The following AFF3 variants were observed in gnomAD, a reference collection of about 807,000 sequenced individuals.
AFF3 encodes the protein AF4/FMR2 family member 3.
In AFF3, 32 loss-of-function variants were observed where a neutral mutation model predicts 129.7. That is an observed-to-expected ratio of 0.25 (90% CI 0.19 to 0.33). The LOEUF is 0.33. Ranked by LOEUF, AFF3 falls within the 10% of genes least tolerant of loss-of-function variation. The probability of loss-of-function intolerance (pLI) is 1.00; values close to 1 mark genes in which losing one functional copy is unlikely to be tolerated. For synonymous variants in AFF3, 644 were observed against 635.4 expected (o/e 1.01, Z -0.20); for missense variants, 1,373 against 1,592.0 (o/e 0.86, Z 2.34).
intron 4 of AFF3, among the ~76,000 whole-genome samples, chr2:100,095,519 C>G (rs532360673): frequency 5.9e-5 from 9 of 152,326 alleles, no homozygotes; most frequent in African/African-American, 2.2e-4. Context: ...TCACGTGTCT[C>G]AAGACTGCAA....
chr2:100,063,619 G>A (rs555271711), intron 4 of AFF3, among the ~76,000 whole-genome samples: 1 of 152,116 alleles, frequency 6.6e-6, no homozygotes, highest in South Asian at 2.1e-4. Context: ...AAAATATAAA[G>A]AAATGTTAAC....
chr2:99,898,009 T>C (rs1421321149), intron 7 of AFF3, among the ~76,000 whole-genome samples: 3 of 152,196 alleles, frequency 2.0e-5, no homozygotes, highest in East Asian at 3.8e-4. Context: ...GGAGACCTCA[T>C]CTGATAAGCT....
At chr2:99,728,063 T>C (rs967819885) in intron 10 of AFF3, among the ~76,000 whole-genome samples, 60 of 152,204 alleles carry the variant, frequency 3.9e-4, no homozygotes, top group African/African-American at 1.4e-3. Flanking sequence ...ACTGAGGAAT[T>C]AACGAGTTGT....
At chr2:99,887,850 T>C (rs957183057) in intron 7 of AFF3, among the ~76,000 whole-genome samples, 3 of 152,118 alleles carry the variant, frequency 2.0e-5, no homozygotes, top group African/African-American at 7.2e-5. Context: ...CAAACAAGGC[T>C]TAGTAAGGTA....
intron 10 of AFF3, among the ~76,000 whole-genome samples, chr2:99,728,998 TATA>T (rs200916828): frequency 0.15 from 23,238 of 152,078 alleles, 2,085 homozygotes; most frequent in South Asian, 0.22. Flanking sequence ...AATAGAGAGT[TATA>T]ACACCTGCAT....
intron 4 of AFF3, among the ~76,000 whole-genome samples, chr2:100,047,605 G>C (rs1197780589): frequency 6.6e-6 from 1 of 152,084 alleles, no homozygotes. Context: ...TTTTAAACAA[G>C]ATACAGTTGG....
chr2:99,802,800 T>A (rs184776394), intron 8 of AFF3, among the ~76,000 whole-genome samples: 2 of 151,478 alleles, frequency 1.3e-5, no homozygotes, highest in Admixed American at 6.6e-5. Context: ...TTTGTGTACA[T>A]GAATTTTGTA....
chr2:99,592,113 TA>T (rs1483337839), intron 15 of AFF3, among the ~76,000 whole-genome samples: 1 of 152,168 alleles, frequency 6.6e-6, no homozygotes, highest in African/African-American at 2.4e-5. Flanking sequence ...CAGGAGGGGT[TA>T]AAAACCCTCA....
chr2:100,077,952 T>C (rs1213694020), intron 4 of AFF3, among the ~76,000 whole-genome samples: 3 of 152,232 alleles, frequency 2.0e-5, no homozygotes, highest in Admixed American at 6.5e-5. Context: ...GGCTTTCTAA[T>C]CCAGTTCTCT....
At chr2:99,670,970 CTGCCTTAGAGAACATG>C (rs1428058399) in intron 12 of AFF3, among the ~76,000 whole-genome samples, 1 of 152,110 alleles carries the variant, frequency 6.6e-6, no homozygotes, top group Non-Finnish European at 1.5e-5. Context: ...AAAGCTCTTA[CTGCCTTAGAGAACATG>C]TATAGTACGT....
intron 2 of AFF3, among the ~76,000 whole-genome samples, chr2:100,117,461 G>T (rs1210062741): frequency 2.0e-5 from 3 of 152,068 alleles, no homozygotes; most frequent in Non-Finnish European, 2.9e-5. Flanking sequence ...ACGATTTTTT[G>T]ATTCTAGAAT....
chr2:99,868,329 C>G (rs1558930421), intron 7 of AFF3, among the ~76,000 whole-genome samples: 2 of 151,960 alleles, frequency 1.3e-5, no homozygotes, highest in Non-Finnish European at 2.9e-5. Context: ...CTAATCATGT[C>G]TTCATAGTTC....
intron 7 of AFF3, among the ~76,000 whole-genome samples, chr2:99,896,161 C>T (rs1017553258): frequency 6.7e-6 from 1 of 148,424 alleles, no homozygotes; most frequent in Non-Finnish European, 1.5e-5. Flanking sequence ...CTCAAGAAAA[C>T]TCTGTCCACC....
At chr2:99,914,929 TTAAAA>T (rs529986833) in intron 7 of AFF3, among the ~76,000 whole-genome samples, 116 of 151,812 alleles carry the variant, frequency 7.6e-4, no homozygotes, top group African/African-American at 2.3e-3. Context: ...AATTAATTAA[TTAAAA>T]TAAAATAAAA....
chr2:99,631,065 G>C (rs767606932), intron 13 of AFF3: 2 of 423,246 alleles, frequency 4.7e-6, no homozygotes, highest in South Asian at 3.5e-5. Context: ...AGGCAGAGCA[G>C]AACACGGAGT....
chr2:99,825,930 T>C (rs1688047038), intron 8 of AFF3, among the ~76,000 whole-genome samples: 1 of 152,230 alleles, frequency 6.6e-6, no homozygotes, highest in Non-Finnish European at 1.5e-5. Flanking sequence ...AACCATTTGC[T>C]TCAGGACTAG....
At chr2:99,640,360 G>A (rs968241365) in intron 13 of AFF3, among the ~76,000 whole-genome samples, 2 of 151,842 alleles carry the variant, frequency 1.3e-5, no homozygotes, top group Non-Finnish European at 2.9e-5. Context: ...TTGGTGGTGC[G>A]ATGAGGTAAT....
chr2:99,907,381 G>C (rs774175412), intron 7 of AFF3, among the ~76,000 whole-genome samples: 3 of 152,142 alleles, frequency 2.0e-5, no homozygotes, highest in Non-Finnish European at 4.4e-5. Context: ...TTAAAGTGAA[G>C]TAATTCGAGT....
At chr2:99,937,909 T>A (rs985723019) in intron 7 of AFF3, among the ~76,000 whole-genome samples, 20 of 152,144 alleles carry the variant, frequency 1.3e-4, no homozygotes, top group Admixed American at 3.9e-4. Context: ...GTTGATGTAT[T>A]TCCAGAGTCA....
Sources: allele counts gnomAD v4.1 joint callset (sites outside exome capture counted in the v4.1 genomes callset), GRCh38; gene constraint gnomAD v4.1.1; transcripts MANE v1.5; gene names NCBI Gene and HGNC (gene_info 2026-07-23, HGNC 2026-07-21).